Variants in PLAC1 observed in about 807,000 individuals in gnomAD.
PLAC1 encodes the protein placenta associated 1, also known as placenta-specific protein 1.
For missense variants in PLAC1, 136 were observed against 163.2 expected, an observed-to-expected ratio of 0.83 and a Z score of 0.91; for synonymous variants, 68 against 62.1, an observed-to-expected ratio of 1.09 and a Z score of -0.44.
chrX:134,735,119 G>T (rs765509478), intron 1 of PLAC1, among the ~76,000 whole-genome samples: 1 of 111,491 alleles, frequency 9.0e-6, no homozygotes, highest in South Asian at 3.8e-4. Flanking sequence ...CAACCCTTTC[G>T]CACTAAGAAC....
intron 2 of PLAC1, among the ~76,000 whole-genome samples, chrX:134,716,254 C>T (rs189748439): frequency 8.9e-6 from 1 of 112,479 alleles, no homozygotes; most frequent in Admixed American, 9.4e-5. Context: ...GTGACCCACC[C>T]CTAGGGTTCC....
chrX:134,581,538 G>A (rs1289057599), intron 2 of PLAC1, among the ~76,000 whole-genome samples: 1 of 88,455 alleles, frequency 1.1e-5, no homozygotes, highest in Non-Finnish European at 2.1e-5. Context: ...GAGTACAGTA[G>A]TGGGATCTTG....
intron 2 of PLAC1, among the ~76,000 whole-genome samples, chrX:134,729,325 A>G (rs908415758): frequency 8.9e-6 from 1 of 111,992 alleles, no homozygotes; most frequent in Non-Finnish European, 1.9e-5. Flanking sequence ...AAGTGTTTAT[A>G]TGTATTCAAG....
intron 1 of PLAC1, among the ~76,000 whole-genome samples, chrX:134,655,189 T>C (rs780084678): frequency 2.4e-4 from 27 of 111,313 alleles, no homozygotes; most frequent in Non-Finnish European, 4.9e-4. Context: ...CATTATTTTT[T>C]CCTGAATTTT....
chrX:134,571,111 A>G (rs2077905764), intron 2 of PLAC1, among the ~76,000 whole-genome samples: 1 of 111,841 alleles, frequency 8.9e-6, no homozygotes, highest in Admixed American at 9.6e-5. Flanking sequence ...TTCTTCTTAT[A>G]GACAGGAAGA....
intron 1 of PLAC1, among the ~76,000 whole-genome samples, chrX:134,734,690 A>G (rs1445814928): frequency 1.8e-5 from 2 of 110,709 alleles, no homozygotes; most frequent in Non-Finnish European, 3.8e-5. Context: ...TCTTTTTTTT[A>G]TCATCATCAA....
At chrX:134,734,649 A>C (rs975928357) in intron 1 of PLAC1, among the ~76,000 whole-genome samples, 2 of 111,674 alleles carry the variant, frequency 1.8e-5, no homozygotes, top group East Asian at 5.6e-4. Flanking sequence ...CCCTCAGCAC[A>C]TTTTTAAGGA....
At chrX:134,656,996 C>T (rs1402081420) in intron 1 of PLAC1, among the ~76,000 whole-genome samples, 1 of 111,805 alleles carries the variant, frequency 8.9e-6, no homozygotes, top group Non-Finnish European at 1.9e-5. Context: ...TCTCCTAGAG[C>T]CTGTTAGAGA....
At chrX:134,725,309 C>G (rs1223896369) in intron 2 of PLAC1, among the ~76,000 whole-genome samples, 2 of 111,142 alleles carry the variant, frequency 1.8e-5, no homozygotes, top group East Asian at 5.7e-4. Context: ...GTCCCCTCCC[C>G]TTACCCCCTC....
chrX:134,600,782 G>A (rs747578558), intron 2 of PLAC1: 67 of 110,788 alleles, frequency 6.0e-4, no homozygotes, highest in African/African-American at 2.0e-3. Flanking sequence ...AAAAAAATTT[G>A]GATTTTAAAG....
chrX:134,693,929 C>T (rs1009319925), intron 2 of PLAC1, among the ~76,000 whole-genome samples: 1 of 110,137 alleles, frequency 9.1e-6, no homozygotes, highest in African/African-American at 3.3e-5. Context: ...GCTTGGTTCT[C>T]AATTAAAGAA....
intron 1 of PLAC1, among the ~76,000 whole-genome samples, chrX:134,735,418 T>C (rs940142592): frequency 6.6e-5 from 7 of 105,813 alleles, no homozygotes; most frequent in Non-Finnish European, 1.3e-4. Flanking sequence ...ACCTCTGCTC[T>C]AAAGATTTGT....
At chrX:134,709,616 A>G (rs1225186428) in intron 2 of PLAC1, among the ~76,000 whole-genome samples, 1 of 111,595 alleles carries the variant, frequency 9.0e-6, no homozygotes, top group Non-Finnish European at 1.9e-5. Context: ...AATAAAAAAT[A>G]AAACTATATA....
At chrX:134,716,791 T>C (rs948855369) in intron 2 of PLAC1, among the ~76,000 whole-genome samples, 4 of 112,394 alleles carry the variant, frequency 3.6e-5, no homozygotes, top group Non-Finnish European at 7.5e-5. Context: ...GTTAAGAGGT[T>C]AGTCTCTGGA....
chrX:134,566,167 C>G lies in PLAC1; in HGVS notation c.516G>C (p.Glu172Asp). The G allele has an allele frequency of 7.4e-6, 9 of 1,211,491 alleles. No individual in the cohort carries two copies. Among genetic ancestry groups the G allele is most frequent in the Non-Finnish European group, 6.7e-6 (6 of 895,319 alleles). Residue 172 changes from glutamate (E) to aspartate (D), a missense_variant, in exon 3 of 3, where the codon GAG becomes GAC. Transcript: ENST00000359237. ...CTTGGTGACAAGGGACCTGGGTATGCTCTTCTTCACTGAAGACACAAGGTG... is the reference window on the plus strand; with the variant it reads ...CTTGGTGACAAGGGACCTGGGTATGGTCTTCTTCACTGAAGACACAAGGTG... ...DCPPCVFSEE[E>D]HTQVPCHQAG... is the part of the protein sequence containing the mutation.
chrX:134,577,500 C>T (rs949059592), intron 2 of PLAC1, among the ~76,000 whole-genome samples: 2 of 111,488 alleles, frequency 1.8e-5, no homozygotes, highest in African/African-American at 6.5e-5. Context: ...ACCAGCCTGG[C>T]CAACATGGTG....
intron 2 of PLAC1, among the ~76,000 whole-genome samples, chrX:134,567,564 C>T (rs1326470034): frequency 1.8e-5 from 2 of 110,030 alleles, no homozygotes; most frequent in Non-Finnish European, 1.9e-5. Flanking sequence ...AAGAGCAGCC[C>T]GGGCAATATA....
chrX:134,595,656 G>A (rs112701409), intron 2 of PLAC1, among the ~76,000 whole-genome samples: 2 of 107,367 alleles, frequency 1.9e-5, no homozygotes, highest in Non-Finnish European at 3.8e-5. Context: ...TTTCTCTGAA[G>A]TCTATCTGAT....
intron 2 of PLAC1, among the ~76,000 whole-genome samples, chrX:134,709,464 A>G (rs1439346865): frequency 9.0e-6 from 1 of 111,670 alleles, no homozygotes; most frequent in Non-Finnish European, 1.9e-5. Flanking sequence ...GGTTTCTACT[A>G]AAAATATTAA....
Sources: gnomAD v4.1 joint callset for allele counts (sites outside exome capture counted in the v4.1 genomes callset) on GRCh38, gnomAD v4.1.1 for gene constraint, MANE v1.5 for transcripts, NCBI Gene and HGNC (gene_info 2026-07-23, HGNC 2026-07-21) for gene names.